Variants in SYTL2 observed in about 807,000 individuals in gnomAD.
SYTL2 encodes synaptotagmin-like protein 2.
SYTL2 carries 165 observed loss-of-function variants against 198.7 expected under a neutral mutation model. That is an observed-to-expected ratio of 0.83 (90% CI 0.73 to 0.94). The LOEUF is 0.94. Among genes scored for constraint, SYTL2 ranks in the 40% least tolerant of loss-of-function variants. SYTL2 has a pLI of 0.00. For synonymous variants in SYTL2, 966 were observed against 917.7 expected (o/e 1.05, Z -0.95); for missense variants, 2,835 against 2,582.8 (o/e 1.10, Z -2.12).
chr11:85,778,247 A>C (rs2153595203), intron 1 of SYTL2, among the ~76,000 whole-genome samples: 1 of 152,330 alleles, frequency 6.6e-6, no homozygotes, highest in Admixed American at 6.5e-5. Context: ...AATGTAGGTT[A>C]TGATAAGATT....
At chr11:85,722,016 T>C (rs1188722589) in intron 8 of SYTL2, among the ~76,000 whole-genome samples, 1 of 152,108 alleles carries the variant, frequency 6.6e-6, no homozygotes, top group Non-Finnish European at 1.5e-5. Context: ...AGTAGGTTTC[T>C]CTTCATTTTT....
At chr11:85,807,297 T>G in intron 1 of SYTL2, among the ~76,000 whole-genome samples, 1 of 152,256 alleles carries the variant, frequency 6.6e-6, no homozygotes, top group Non-Finnish European at 1.5e-5. Context: ...TGAGTCCCAA[T>G]AGAGCATTTA....
rs566788351 is a variant in SYTL2 at position 85,708,028 on chromosome 11, T to C, written c.5916-497A>G. ...GAGCTACAAAGTTAGCTGGGTGTGG[T>C]GATGCATGCCTGTAATTCCAGCTAG... is the stretch of plus-strand genomic sequence containing the variant. On this transcript the variant is annotated intron_variant, in intron 14 of 19. Transcript: ENST00000359152. 1.5e-4 allele frequency: 53 copies of C among 342,102 alleles called. 2 individuals carry two copies. Among genetic ancestry groups the C allele is most frequent in the African/African-American group, 1.1e-3 (44 of 41,758 alleles). 21.2% of individuals were successfully genotyped at this position (342,102 alleles called of 1,614,324 possible).
At chr11:85,758,163 A>G (rs2091968027) in intron 1 of SYTL2, 49 bp from the exon 2 acceptor site, 1 of 164,344 alleles carries the variant, frequency 6.1e-6, no homozygotes, top group South Asian at 1.7e-4. Flanking sequence ...GGCAGTTCCT[A>G]TAAGCACTAC....
At chr11:85,768,712 C>G (rs940592523) in intron 1 of SYTL2, among the ~76,000 whole-genome samples, 1 of 152,198 alleles carries the variant, frequency 6.6e-6, no homozygotes, top group Non-Finnish European at 1.5e-5. Context: ...AGCACACACA[C>G]TCCCACCCCC....
At chr11:85,710,960 T>C (rs1261421074) in intron 13 of SYTL2, among the ~76,000 whole-genome samples, 153 bp downstream of exon 13, 1 of 151,614 alleles carries the variant, frequency 6.6e-6, no homozygotes, top group African/African-American at 2.4e-5. Context: ...AAAAAAAAGA[T>C]AGATGTAGCT....
chr11:85,837,748 T>A, the SYTL2 span, among the ~76,000 whole-genome samples: 2 of 152,142 alleles, frequency 1.3e-5, no homozygotes, highest in African/African-American at 4.8e-5. Context: ...TCCCTCAGAA[T>A]GGAGCCTCTT....
intron 1 of SYTL2, among the ~76,000 whole-genome samples, chr11:85,801,382 A>C (rs1157628239): frequency 6.6e-6 from 1 of 152,208 alleles, no homozygotes; most frequent in Non-Finnish European, 1.5e-5. Context: ...AAGGTAAGAC[A>C]TATTTATATT....
At chr11:85,815,555 T>C (rs2153669115), upstream of SYTL2, among the ~76,000 whole-genome samples, 1 of 152,382 alleles carries the variant, frequency 6.6e-6, no homozygotes, top group South Asian at 2.1e-4. Context: ...CAGCTCTTTG[T>C]ATTTTTCAAA....
At chr11:85,797,817 T>C (rs574292656) in intron 1 of SYTL2, among the ~76,000 whole-genome samples, 2 of 152,090 alleles carry the variant, frequency 1.3e-5, no homozygotes, top group East Asian at 3.9e-4. Context: ...CTATACCCAC[T>C]GATCTCAAGA....
chr11:85,782,316 G>T (rs1461988241), intron 1 of SYTL2, among the ~76,000 whole-genome samples: 1 of 152,138 alleles, frequency 6.6e-6, no homozygotes, highest in Non-Finnish European at 1.5e-5. Flanking sequence ...GCACCAACAA[G>T]TCCTAGAGGC....
chr11:85,761,974 T>A (rs979397592), intron 1 of SYTL2, among the ~76,000 whole-genome samples: 1 of 152,234 alleles, frequency 6.6e-6, no homozygotes, highest in African/African-American at 2.4e-5. Context: ...TAGGTCTTAT[T>A]ATCTGTGTTT....
intron 1 of SYTL2, among the ~76,000 whole-genome samples, chr11:85,802,148 T>A (rs546706448): frequency 6.6e-6 from 1 of 151,340 alleles, no homozygotes; most frequent in East Asian, 2.0e-4. Flanking sequence ...TCTCCCTGCC[T>A]CCATGGCTTT....
rs754696699 is a variant in SYTL2, at chr11:85,748,450, G to T, written c.102-27C>A. On this transcript the variant is annotated intron_variant, in intron 2 of 19. Transcript: ENST00000359152. ...TACAAAAGGAAAAGATCTTTAGTTT[G>T]CTGAGAACCCACAGTAAATAAATGA... 9.3e-6 allele frequency: 15 copies of T among 1,611,356 alleles called. No homozygotes were observed. In the East Asian group the frequency reaches 1.3e-4, roughly 14 times the overall value.
At chr11:85,783,778 G>A (rs2092598223) in intron 1 of SYTL2, among the ~76,000 whole-genome samples, 1 of 152,186 alleles carries the variant, frequency 6.6e-6, no homozygotes, top group South Asian at 2.1e-4. Context: ...CAGTGTCCAT[G>A]CTCTGTGCTT....
At chr11:85,846,827 G>A in the SYTL2 span, among the ~76,000 whole-genome samples, 273 of 146,488 alleles carry the variant, frequency 1.9e-3, no homozygotes, top group Non-Finnish European at 3.5e-3. Context: ...TCCGCCTCTC[G>A]GGTTCAAGCG....
Position 85,737,806 on chromosome 11 carries a change from C to T in SYTL2, c.390-150G>A, listed in dbSNP as rs933179075. Reference sequence around the variant, plus strand: ...TTCTCTAGAGAATTATTCCCTATCCCAGGGACAGGACAGCACCAGAGTGAG... The same window carrying T: ...TTCTCTAGAGAATTATTCCCTATCCTAGGGACAGGACAGCACCAGAGTGAG... On this transcript the variant is annotated intron_variant, in intron 4 of 19. Coordinates refer to ENST00000359152, the MANE Select transcript of SYTL2 (RefSeq NM_206927.4). 4.4e-6 allele frequency: 3 copies of T among 674,500 alleles called. No homozygotes were observed. The African/African-American group carries it at 5.4e-5, about 12-fold the overall frequency. 41.8% of individuals were successfully genotyped at this position (674,500 alleles called of 1,614,324 possible). A position where few individuals can be genotyped will look rare whatever the true frequency, so the allele number is the denominator to read the frequency against.
chr11:85,707,409 T>C lies in SYTL2; in HGVS notation c.6018+20A>G. 3.2e-6 allele frequency: 5 copies of C among 1,548,194 alleles called. No homozygotes were observed. Among genetic ancestry groups the C allele is most frequent in the East Asian group, 2.2e-5 (1 of 44,558 alleles). On this transcript the variant is annotated intron_variant, in intron 15 of 19. Transcript: ENST00000359152. The stretch of plus-strand genomic sequence containing the variant: ...CAGGTCACCATCTAGGATTTTCCTA[T>C]AGAGAGAGTTCATAGATACCCGCAG...
the SYTL2 span, among the ~76,000 whole-genome samples, chr11:85,830,047 A>T: frequency 1.3e-5 from 2 of 152,198 alleles, no homozygotes; most frequent in Non-Finnish European, 2.9e-5. Context: ...ACAGTTAACT[A>T]CCCTGTGGTT....
Sources: gnomAD v4.1 joint callset for allele counts (sites outside exome capture counted in the v4.1 genomes callset) on GRCh38, gnomAD v4.1.1 for gene constraint, MANE v1.5 for transcripts, NCBI Gene and HGNC (gene_info 2026-07-23, HGNC 2026-07-21) for gene names.